Variants in TM9SF4 observed in about 807,000 individuals in gnomAD.
The protein encoded by TM9SF4 is transmembrane 9 superfamily member 4, also known as dinucleotide oxidase disulfide thiol exchanger 3 superfamily member 4.
A neutral mutation model predicts 90.4 loss-of-function variants in TM9SF4; 26 were observed. The ratio of observed to expected loss-of-function variants is 0.29; its 90% confidence interval spans 0.21 to 0.40. The LOEUF (loss-of-function observed/expected upper bound fraction) is 0.40, where lower values mean the gene tolerates loss of function less well. TM9SF4 is among the 10% of genes least tolerant of loss of function. The pLI is 1.00. For synonymous variants in TM9SF4, 293 were observed against 315.4 expected (o/e 0.93, Z 0.75); for missense variants, 549 against 834.8 (o/e 0.66, Z 4.22).
chr20:32,111,187 G>A, intron 1 of TM9SF4, among the ~76,000 whole-genome samples: 1 of 152,156 alleles, frequency 6.6e-6, no homozygotes, highest in East Asian at 1.9e-4. Flanking sequence ...TGGTTTCTGT[G>A]GTTTCAGACT....
chr20:32,118,954 T>G (rs1042577141), intron 1 of TM9SF4, among the ~76,000 whole-genome samples: 1 of 152,272 alleles, frequency 6.6e-6, no homozygotes, highest in East Asian at 1.9e-4. Context: ...ATAAGGGTGA[T>G]CCATGTATGT....
chr20:32,118,105 A>G (rs568015576), intron 1 of TM9SF4, among the ~76,000 whole-genome samples: 1 of 152,342 alleles, frequency 6.6e-6, no homozygotes, highest in East Asian at 1.9e-4. Context: ...ATGAAGTCAT[A>G]GAATCATAAA....
intron 10 of TM9SF4, among the ~76,000 whole-genome samples, chr20:32,150,037 TC>T (rs967436816): frequency 6.6e-6 from 1 of 152,192 alleles, no homozygotes; most frequent in Non-Finnish European, 1.5e-5. Flanking sequence ...GAGCTTGGCC[TC>T]CTTTTGTAGT....
intron 1 of TM9SF4, among the ~76,000 whole-genome samples, chr20:32,113,044 T>C (rs2046169448): frequency 6.6e-6 from 1 of 152,158 alleles, no homozygotes; most frequent in Non-Finnish European, 1.5e-5. Flanking sequence ...CCTCATTTCA[T>C]AACCATTGGG....
intron 1 of TM9SF4, among the ~76,000 whole-genome samples, chr20:32,132,539 G>A (rs928560960): frequency 7.2e-5 from 11 of 152,220 alleles, no homozygotes; most frequent in Admixed American, 6.5e-4. Context: ...TGAGCTGAGC[G>A]AGGAGGAGAG....
intron 15 of TM9SF4, chr20:32,159,697 A>T (rs1279027168): frequency 1.4e-5 from 6 of 427,304 alleles, no homozygotes; most frequent in Non-Finnish European, 2.6e-5. Context: ...TAAGCTGCTC[A>T]AGTGGTGGTG....
intron 9 of TM9SF4, among the ~76,000 whole-genome samples, chr20:32,148,110 C>CATAA (rs751827030): frequency 6.6e-6 from 1 of 152,050 alleles, no homozygotes; most frequent in African/African-American, 2.4e-5. Flanking sequence ...GACTCCGTCT[C>CATAA]ATAAATAAAT....
chr20:32,155,324 C>A, intron 13 of TM9SF4, 138 bp downstream of exon 13: 1 of 773,732 alleles, frequency 1.3e-6, no homozygotes, highest in Middle Eastern at 3.3e-4. Flanking sequence ...GCCATGAGGG[C>A]AGAGGGCCAG....
intron 2 of TM9SF4, among the ~76,000 whole-genome samples, chr20:32,134,766 A>G (rs914315478): frequency 1.3e-4 from 19 of 151,352 alleles, no homozygotes; most frequent in Admixed American, 8.6e-4. Flanking sequence ...TCTGCCTCCC[A>G]GGTTCAAGCA....
chr20:32,160,821 G>A (rs1600346949), intron 16 of TM9SF4, among the ~76,000 whole-genome samples: 1 of 151,448 alleles, frequency 6.6e-6, no homozygotes, highest in South Asian at 2.1e-4. Flanking sequence ...GTGGTGGCAC[G>A]TGCCTGTAGT....
chr20:32,143,117 G>A lies in TM9SF4; in HGVS notation c.652+12G>A. 2 of 1,612,174 alleles carry A rather than the reference G, an allele frequency of 1.2e-6. No homozygotes were observed. Among genetic ancestry groups the A allele is most frequent in the Non-Finnish European group, 1.7e-6 (2 of 1,178,900 alleles). On this transcript the variant is annotated intron_variant, in intron 6 of 17. Transcript: ENST00000398022. ...CATCAGGCTGGAGGGTGAGTGGGGA[G>A]GTGTGGCCGGAGGGGCAGGGCTGGA...
intron 15 of TM9SF4, chr20:32,159,681 G>A (rs2046984508): frequency 3.1e-5 from 12 of 388,248 alleles, no homozygotes; most frequent in South Asian, 2.9e-4. Context: ...AAGGCCTAGC[G>A]CTTGGTAAGC....
At chr20:32,142,756 A>G (rs2046699480) in intron 5 of TM9SF4, among the ~76,000 whole-genome samples, 1 of 152,210 alleles carries the variant, frequency 6.6e-6, no homozygotes, top group Non-Finnish European at 1.5e-5. Flanking sequence ...ACCCAGTTGT[A>G]TCAGGGTCAG....
Position 32,133,087 on chromosome 20 carries a change from G to C in TM9SF4, c.90G>C (p.Ala30=), listed in dbSNP as rs754828712. Residue 30 remains alanine, a synonymous_variant, in exon 2 of 18, where the codon GCG becomes GCC. Transcript: ENST00000398022. ...ETSAFYVPGV[A]PINFHQNDPV... ...GCGCCTTCTATGTGCCTGGGGTCGC[G>C]CCTATCAACTTCCACCAGAACGATC... is the stretch of plus-strand genomic sequence containing the variant. The C allele has an allele frequency of 5.6e-6, 9 of 1,613,984 alleles. No individual in the cohort carries two copies. Among genetic ancestry groups the C allele is most frequent in the Non-Finnish European group, 5.9e-6 (7 of 1,180,030 alleles).
chr20:32,123,866 A>ATATATATATATATATATATTTTTT, intron 1 of TM9SF4, among the ~76,000 whole-genome samples: 4 of 93,954 alleles, frequency 4.3e-5, no homozygotes, highest in African/African-American at 1.4e-4. Flanking sequence ...ATATATATAT[A>ATATATATATATATATATATTTTTT]TTTTTTTTTT....
intron 6 of TM9SF4, among the ~76,000 whole-genome samples, chr20:32,144,323 A>G (rs1182568316): frequency 6.6e-6 from 1 of 152,218 alleles, no homozygotes; most frequent in African/African-American, 2.4e-5. Context: ...GAATGAGTAG[A>G]TGGATAACAG....
At chr20:32,155,334 G>C in intron 13 of TM9SF4, 148 bp downstream of exon 13, 1 of 739,074 alleles carries the variant, frequency 1.4e-6, no homozygotes, top group Non-Finnish European at 2.3e-6. Context: ...CAGAGGGCCA[G>C]CTGGGGTTTC....
At chr20:32,144,981 C>T (rs756569856) in intron 6 of TM9SF4, 110 bp from the exon 7 acceptor site, 48 of 925,066 alleles carry the variant, frequency 5.2e-5, no homozygotes, top group Non-Finnish European at 6.0e-5. Flanking sequence ...CCACTCCCAC[C>T]CTAGAGGCTG....
intron 12 of TM9SF4, among the ~76,000 whole-genome samples, chr20:32,152,159 C>G (rs576899247): frequency 6.6e-6 from 1 of 152,092 alleles, no homozygotes; most frequent in South Asian, 2.1e-4. Flanking sequence ...CGTGAGCCAC[C>G]ACGCCCAGCC....
Sources: gnomAD v4.1 joint callset for allele counts (sites outside exome capture counted in the v4.1 genomes callset) on GRCh38, gnomAD v4.1.1 for gene constraint, MANE v1.5 for transcripts, NCBI Gene and HGNC (gene_info 2026-07-23, HGNC 2026-07-21) for gene names.